Variants in KIAA1217 observed in about 807,000 individuals in gnomAD.
KIAA1217 encodes the protein sickle tail protein homolog.
A neutral mutation model predicts 163.9 loss-of-function variants in KIAA1217; 88 were observed. The ratio of observed to expected loss-of-function variants is 0.54; its 90% CI spans 0.45 to 0.64. KIAA1217 has a LOEUF of 0.64. Among genes scored for constraint, KIAA1217 ranks in the 30% least tolerant of loss-of-function variants. The probability of loss-of-function intolerance (pLI) is 0.00; values close to 1 mark genes in which losing one functional copy is unlikely to be tolerated. For missense variants in KIAA1217, 2,372 were observed against 2,475.0 expected (o/e 0.96, Z 0.88); for synonymous variants, 903 against 923.1 (o/e 0.98, Z 0.39).
At chr10:24,070,288 T>C in intron 2 of KIAA1217, among the ~76,000 whole-genome samples, 1 of 145,310 alleles carries the variant, frequency 6.9e-6, no homozygotes, top group Non-Finnish European at 1.5e-5. Context: ...TCAGAATTGA[T>C]AAAAAAAAAA....
intron 2 of KIAA1217, among the ~76,000 whole-genome samples, chr10:24,081,885 A>G (rs1564677831): frequency 1.3e-5 from 2 of 152,136 alleles, no homozygotes; most frequent in Non-Finnish European, 1.5e-5. Context: ...GTTGGAAGCT[A>G]CTTACATTCT....
intron 14 of KIAA1217, among the ~76,000 whole-genome samples, chr10:24,530,348 T>C (rs1222239058): frequency 6.6e-6 from 1 of 152,242 alleles, no homozygotes; most frequent in Non-Finnish European, 1.5e-5. Context: ...TTTTCTTTTT[T>C]AATGCATCTC....
chr10:23,860,026 CTA>C (rs143751030), intron 1 of KIAA1217, among the ~76,000 whole-genome samples: 3,526 of 152,144 alleles, frequency 0.023, 142 homozygotes, highest in African/African-American at 0.08. Flanking sequence ...AGTCACTTGT[CTA>C]TGTATAGGAG....
At chr10:24,017,414 G>A (rs541959635) in intron 2 of KIAA1217, among the ~76,000 whole-genome samples, 26 of 151,920 alleles carry the variant, frequency 1.7e-4, no homozygotes, top group Non-Finnish European at 3.4e-4. Flanking sequence ...AATGTAAGGG[G>A]ACTATAAAAA....
At chr10:24,461,467 G>A (rs1402228053) in intron 5 of KIAA1217, among the ~76,000 whole-genome samples, 1 of 152,094 alleles carries the variant, frequency 6.6e-6, no homozygotes, top group Non-Finnish European at 1.5e-5. Flanking sequence ...CAATTCTCCT[G>A]CCTCAGCCTC....
intron 1 of KIAA1217, among the ~76,000 whole-genome samples, chr10:23,934,582 TA>T (rs1843419370): frequency 1.3e-5 from 1 of 79,230 alleles, no homozygotes; most frequent in Non-Finnish European, 2.1e-5. Context: ...TATATATATA[TA>T]TATATATGTA....
At chr10:23,731,224 G>A (rs1264274755) in intron 1 of KIAA1217, among the ~76,000 whole-genome samples, 10 of 152,098 alleles carry the variant, frequency 6.6e-5, no homozygotes, top group Admixed American at 2.0e-4. Context: ...AGAAATTTAC[G>A]CTGAATGAGG....
chr10:24,281,334 A>G (rs750159276), intron 2 of KIAA1217, among the ~76,000 whole-genome samples: 8 of 152,162 alleles, frequency 5.3e-5, no homozygotes, highest in Non-Finnish European at 1.0e-4. Context: ...GAATTACAAG[A>G]TCAGAATTGT....
At chr10:23,853,976 C>T (rs1839506279) in intron 1 of KIAA1217, among the ~76,000 whole-genome samples, 2 of 152,088 alleles carry the variant, frequency 1.3e-5, no homozygotes, top group South Asian at 2.1e-4. Context: ...CTCCTGGATT[C>T]ATTAATTTTT....
intron 2 of KIAA1217, among the ~76,000 whole-genome samples, chr10:24,240,325 C>A (rs181873842): frequency 6.6e-6 from 1 of 152,136 alleles, no homozygotes; most frequent in Non-Finnish European, 1.5e-5. Context: ...TCAGAATCAT[C>A]GAAAGATACC....
chr10:23,809,157 G>A (rs184373580), intron 1 of KIAA1217, among the ~76,000 whole-genome samples: 94 of 151,936 alleles, frequency 6.2e-4, no homozygotes, highest in Non-Finnish European at 8.7e-4. Flanking sequence ...TGAGAAAGAA[G>A]GAAATTAAAT....
chr10:23,773,469 C>T (rs540337783), intron 1 of KIAA1217, among the ~76,000 whole-genome samples: 1 of 151,532 alleles, frequency 6.6e-6, no homozygotes, highest in African/African-American at 2.4e-5. Flanking sequence ...TCCATATGAA[C>T]TTTAAAGTAG....
intron 2 of KIAA1217, among the ~76,000 whole-genome samples, chr10:24,272,743 C>A: frequency 6.6e-6 from 1 of 152,224 alleles, no homozygotes; most frequent in East Asian, 1.9e-4. Context: ...TCGGTTTTCA[C>A]GTGCTCTTCA....
At chr10:24,536,573 G>T (rs2135248238) in intron 16 of KIAA1217, among the ~76,000 whole-genome samples, 1 of 152,238 alleles carries the variant, frequency 6.6e-6, no homozygotes, top group Middle Eastern at 3.4e-3. Flanking sequence ...GGCAGCCTTT[G>T]CCTCGGACTC....
intron 1 of KIAA1217, among the ~76,000 whole-genome samples, chr10:23,710,612 A>G (rs947545000): frequency 6.6e-6 from 1 of 152,186 alleles, no homozygotes; most frequent in Non-Finnish European, 1.5e-5. Flanking sequence ...TGGGTGTTCT[A>G]TTTGGTGTCA....
intron 1 of KIAA1217, among the ~76,000 whole-genome samples, chr10:23,776,183 C>T (rs1283114673): frequency 6.6e-6 from 1 of 152,074 alleles, no homozygotes; most frequent in East Asian, 1.9e-4. Flanking sequence ...TTGAATGTTT[C>T]CTTGTTATAG....
intron 1 of KIAA1217, among the ~76,000 whole-genome samples, chr10:23,748,100 C>T (rs998722698): frequency 6.6e-6 from 1 of 152,126 alleles, no homozygotes; most frequent in Admixed American, 6.6e-5. Context: ...GGAAGCCCCT[C>T]CAAGGTAGGT....
At chr10:24,306,814 T>A (rs371114497) in intron 2 of KIAA1217, among the ~76,000 whole-genome samples, 1 of 152,254 alleles carries the variant, frequency 6.6e-6, no homozygotes, top group East Asian at 1.9e-4. Context: ...TGGAATGTGA[T>A]GTTTCTGTTC....
At chr10:24,335,593 T>TTTATTTAG (rs1216157921) in intron 2 of KIAA1217, among the ~76,000 whole-genome samples, 3 of 141,742 alleles carry the variant, frequency 2.1e-5, no homozygotes, top group Non-Finnish European at 3.0e-5. Flanking sequence ...ATTTTATTTA[T>TTTATTTAG]TTATTTATTT....
Sources: allele counts gnomAD v4.1 joint callset (sites outside exome capture counted in the v4.1 genomes callset), GRCh38; gene constraint gnomAD v4.1.1; transcripts MANE v1.5; gene names NCBI Gene and HGNC (gene_info 2026-07-23, HGNC 2026-07-21).